Variants in SYNE2 observed in about 807,000 individuals in gnomAD.
SYNE2 encodes the protein spectrin repeat containing nuclear envelope protein 2.
Under a neutral mutation model 856.3 loss-of-function variants are expected in SYNE2, and 431 were observed. The ratio of observed to expected loss-of-function variants is 0.50; its 90% CI spans 0.47 to 0.55. The LOEUF is 0.55. SYNE2 is among the 20% of genes least tolerant of loss of function. The probability of loss-of-function intolerance (pLI) is 0.00; values close to 1 mark genes in which losing one functional copy is unlikely to be tolerated. For synonymous variants in SYNE2, 2,923 were observed against 2,872.3 expected, an observed-to-expected ratio of 1.02 and a Z score of -0.56; for missense variants, 8,129 against 8,023.2, an observed-to-expected ratio of 1.01 and a Z score of -0.50.
At chr14:63,948,766 ATAT>A (rs2096085173) in intron 6 of SYNE2, among the ~76,000 whole-genome samples, 13 of 57,892 alleles carry the variant, frequency 2.2e-4, no homozygotes, top group African/African-American at 7.8e-4. Context: ...ATATGTATAT[ATAT>A]GTATGTGTGT....
rs570419546 is a variant in SYNE2 at position 63,787,861 on chromosome 14, G to T, written c.-305+25875G>T. ...AGGCCCTCCCTGCCCTGAAGGTGGG[G>T]TCTTACAGGGACCGCTCCCTTTGCC... On this transcript the variant is annotated intron_variant, in intron 1 of 23. Transcript: ENST00000674003. Among the ~76,000 whole-genome samples, 3 of 152,328 alleles carry T rather than the reference G, an allele frequency of 2.0e-5. No individual in the cohort carries two copies. The East Asian group carries it at 5.8e-4, about 29-fold the overall frequency.
Position 64,052,289 on chromosome 14 carries a change from G to A in SYNE2, c.8376G>A (p.Lys2792=), listed in dbSNP as rs780856927. The A allele has an allele frequency of 6.2e-7, 1 of 1,614,148 alleles. No individual in the cohort carries two copies. Among genetic ancestry groups the A allele is most frequent in the Non-Finnish European group, 8.5e-7 (1 of 1,180,018 alleles). Residue 2792 remains lysine, a synonymous_variant, in exon 48 of 116, where the codon AAG becomes AAA. Transcript: ENST00000555002. ...VESLAEEVKD[K]VPSLTTYEGS... is the part of the protein sequence containing the mutation. ...CGTTGGCTGAAGAGGTCAAAGATAA[G>A]GTTCCTAGCCTTACAACCTATGAGG... is the stretch of plus-strand genomic sequence containing the variant.
intron 1 of SYNE2, among the ~76,000 whole-genome samples, chr14:63,857,431 A>T (rs896456088): frequency 3.3e-5 from 5 of 152,242 alleles, no homozygotes; most frequent in African/African-American, 1.2e-4. Context: ...TAAAGCTGCC[A>T]TGAACATTAT....
intron 69 of SYNE2, 52 bp from the exon 70 acceptor site, chr14:64,122,234 A>G (rs1020761480): frequency 1.9e-6 from 3 of 1,613,990 alleles, no homozygotes; most frequent in Admixed American, 1.7e-5. Context: ...TGAATGTAAT[A>G]CAAAATGTTT....
intron 58 of SYNE2, among the ~76,000 whole-genome samples, 158 bp downstream of exon 58, chr14:64,088,014 C>T (rs865927960): frequency 1.3e-5 from 2 of 152,130 alleles, no homozygotes; most frequent in Non-Finnish European, 2.9e-5. Context: ...GAAACCCTGT[C>T]TCTACTAAAA....
Position 63,784,274 on chromosome 14 carries a change from C to T in SYNE2, c.-305+22288C>T, listed in dbSNP as rs183473704. On this transcript the variant is annotated intron_variant, in intron 1 of 23. Transcript: ENST00000674003. ...TTGGGAGGTTGAGGCGGGTGGATCA[C>T]GAGGTCAGGAGTTCGAGACCAGCGT... Among the ~76,000 whole-genome samples, 30 of 150,946 alleles carry T rather than the reference C, an allele frequency of 2.0e-4. No homozygotes were observed. The East Asian group carries it at 5.9e-3, about 30-fold the overall frequency.
chr14:64,218,483 G>A lies in SYNE2; in HGVS notation c.19628G>A (p.Gly6543Glu), dbSNP rs138090822. The change falls in exon 109 of 116, where the codon GGA (glycine) becomes GAA (glutamate). Residue 6543 changes from glycine to glutamate, a missense_variant. By Grantham distance (98) the Gly-to-Glu change is moderately conservative. Transcript: ENST00000555002. ...LNGNPQQEDGGLAGITEQQSG... is the reference protein window; with the variant it reads ...LNGNPQQEDGELAGITEQQSG... ...GGCAACCCACAGCAGGAAGACGGGGGACTGGCCGGTATCACAGAGCAGCAG... is the reference window on the plus strand; with the variant it reads ...GGCAACCCACAGCAGGAAGACGGGGAACTGGCCGGTATCACAGAGCAGCAG... 2 of 1,613,938 alleles carry A rather than the reference G, an allele frequency of 1.2e-6. No individual in the cohort carries two copies. Among genetic ancestry groups the A allele is most frequent in the Non-Finnish European group, 1.7e-6 (2 of 1,180,042 alleles).
intron 2 of SYNE2, among the ~76,000 whole-genome samples, chr14:63,918,803 A>G (rs978258973): frequency 6.6e-6 from 1 of 152,168 alleles, no homozygotes; most frequent in Non-Finnish European, 1.5e-5. Flanking sequence ...GTTATAAGGT[A>G]AAGGGCACCT....
Position 64,031,051 on chromosome 14 carries a change from A to T in SYNE2, c.6915A>T (p.Thr2305=), listed in dbSNP as rs767578236. 3 of 1,614,078 alleles carry T rather than the reference A, an allele frequency of 1.9e-6. No homozygotes were observed. The highest frequency in any genetic ancestry group is 2.5e-6 in the Non-Finnish European group (3 of 1,180,000). Residue 2305 remains threonine (T), a synonymous_variant, in exon 45 of 116, where the codon ACA becomes ACT. Coordinates refer to ENST00000555002, the MANE Select transcript of SYNE2 (RefSeq NM_182914.3). ...ATAGACTCAGTTTACAAGATGGCAC[A>T]TTAAAGAAGATTTTAGCTTTAGCAA... ...LENRLSLQDG[T]LKKILALAKS...
At chr14:64,069,106 T>G (rs1309328992) in intron 51 of SYNE2, among the ~76,000 whole-genome samples, 1 of 152,160 alleles carries the variant, frequency 6.6e-6, no homozygotes, top group Non-Finnish European at 1.5e-5. Context: ...TTTCTGGTTA[T>G]TATCAAGTCA....
chr14:64,043,251 G>C (rs1040138838), intron 45 of SYNE2, among the ~76,000 whole-genome samples: 4 of 152,170 alleles, frequency 2.6e-5, no homozygotes, highest in African/African-American at 7.2e-5. Context: ...TTCAAGAGGT[G>C]ACTTGGGTGC....
At chr14:64,147,077 G>T (rs2098194088) in intron 84 of SYNE2, among the ~76,000 whole-genome samples, 2 of 151,908 alleles carry the variant, frequency 1.3e-5, no homozygotes, top group African/African-American at 2.4e-5. Context: ...TTCCTTACTG[G>T]AAGCCTACAT....
At position 64,080,587 on chromosome 14, in the gene SYNE2, G is replaced by A. The variant is rs775618908; in HGVS notation, c.11295G>A (p.Gln3765=). The change falls in exon 56 of 116, where the codon CAG becomes CAA. Residue 3765 remains glutamine, a synonymous_variant. Coordinates refer to ENST00000555002, the MANE Select transcript of SYNE2 (RefSeq NM_182914.3). The stretch of plus-strand genomic sequence containing the variant: ...ATAACTTGATGATTCCTTTCCAGCA[G>A]TATCAGCAAGTATCACAGAGAGCAG... The part of the protein sequence containing the change: ...WMDNLMIPFQ[Q]YQQVSQRAEC... The A allele has an allele frequency of 3.1e-6, 5 of 1,614,056 alleles. No individual in the cohort carries two copies. The highest frequency in any genetic ancestry group is 4.5e-5 in the East Asian group (2 of 44,894).
At chr14:64,194,395 C>T (rs1180402171) in intron 99 of SYNE2, among the ~76,000 whole-genome samples, 1 of 151,988 alleles carries the variant, frequency 6.6e-6, no homozygotes, top group Non-Finnish European at 1.5e-5. Flanking sequence ...CAGGCTCAAA[C>T]AATTCTCCTA....
chr14:63,945,967 T>G (rs1338383567), intron 6 of SYNE2, among the ~76,000 whole-genome samples: 1 of 152,178 alleles, frequency 6.6e-6, no homozygotes, highest in Non-Finnish European at 1.5e-5. Flanking sequence ...TCAGAACATA[T>G]GATCTTTAGC....
At chr14:63,887,667 C>G (rs1490628888) in intron 1 of SYNE2, among the ~76,000 whole-genome samples, 1 of 152,124 alleles carries the variant, frequency 6.6e-6, no homozygotes, top group Non-Finnish European at 1.5e-5. Flanking sequence ...TTTTTTTCCC[C>G]CCCATTCCTA....
At chr14:64,199,359 G>C (rs190812809) in intron 99 of SYNE2, among the ~76,000 whole-genome samples, 24 of 152,254 alleles carry the variant, frequency 1.6e-4, no homozygotes, top group Non-Finnish European at 3.2e-4. Context: ...ATGTGACTTG[G>C]GCAAGCTCTT....
intron 12 of SYNE2, among the ~76,000 whole-genome samples, 168 bp from the exon 13 acceptor site, chr14:63,977,737 G>A (rs929912383): frequency 6.6e-6 from 1 of 152,122 alleles, no homozygotes; most frequent in Non-Finnish European, 1.5e-5. Context: ...TCCAGCCTGG[G>A]TAACAGAGCG....
chr14:64,077,861 C>A (rs1023322692), intron 54 of SYNE2, among the ~76,000 whole-genome samples: 6 of 151,988 alleles, frequency 3.9e-5, no homozygotes, highest in Admixed American at 6.6e-5. Flanking sequence ...AAAAATTACG[C>A]TGTTCAGTAG....
Sources: gnomAD v4.1 joint callset for allele counts (sites outside exome capture counted in the v4.1 genomes callset) on GRCh38, gnomAD v4.1.1 for gene constraint, MANE v1.5 for transcripts, NCBI Gene and HGNC (gene_info 2026-07-23, HGNC 2026-07-21) for gene names.